ATP8A2: variants seen among roughly 807,000 people sequenced by gnomAD.
ATP8A2 encodes the protein phospholipid-transporting ATPase IB.
A neutral mutation model predicts 165.6 loss-of-function variants in ATP8A2; 100 were observed. The ratio of observed to expected loss-of-function variants is 0.60; its 90% CI spans 0.51 to 0.71. The LOEUF is 0.71. ATP8A2 is among the 30% of genes least tolerant of loss of function. ATP8A2 has a pLI of 0.00. For missense variants in ATP8A2, 1,227 were observed against 1,479.5 expected, an observed-to-expected ratio of 0.83 and a Z score of 2.80; for synonymous variants, 543 against 548.8, an observed-to-expected ratio of 0.99 and a Z score of 0.15.
At chr13:25,491,785 T>A (rs1248719427) in intron 2 of ATP8A2, among the ~76,000 whole-genome samples, 13 of 152,310 alleles carry the variant, frequency 8.5e-5, no homozygotes, top group Admixed American at 4.6e-4. Flanking sequence ...GTTTTAAAAT[T>A]GAAGACCAAG....
chr13:25,731,390 A>C (rs2043639263), intron 25 of ATP8A2, among the ~76,000 whole-genome samples: 1 of 150,180 alleles, frequency 6.7e-6, no homozygotes, highest in Non-Finnish European at 1.5e-5. Flanking sequence ...GGAGGAAGAA[A>C]AAGGAAGAAA....
intron 2 of ATP8A2, among the ~76,000 whole-genome samples, chr13:25,474,287 C>T (rs544958480): frequency 2.0e-5 from 3 of 152,168 alleles, no homozygotes; most frequent in Non-Finnish European, 2.9e-5. Context: ...CAGGGCCAGG[C>T]GCAGTGGCTC....
chr13:25,708,362 G>T (rs1284162000), intron 25 of ATP8A2, among the ~76,000 whole-genome samples: 1 of 152,110 alleles, frequency 6.6e-6, no homozygotes, highest in African/African-American at 2.4e-5. Flanking sequence ...ATTAATACAA[G>T]AATGTGTCAT....
intron 28 of ATP8A2, among the ~76,000 whole-genome samples, chr13:25,836,377 G>A (rs1183912588): frequency 2.0e-5 from 3 of 152,188 alleles, no homozygotes; most frequent in African/African-American, 7.2e-5. Context: ...ATGTCTCAGA[G>A]CTTTGTAAGG....
rs145650633 is a variant in ATP8A2, at chr13:25,986,675, G to A, written c.3377+17996G>A. Among the ~76,000 whole-genome samples the A allele has an allele frequency of 6.4e-3, 981 of 152,298 alleles. 5 individuals are homozygous for A. The highest frequency in any genetic ancestry group is 0.027 in the Middle Eastern group (8 of 294). On this transcript the variant is annotated intron_variant, in intron 35 of 36. Coordinates refer to ENST00000381655, the MANE Select transcript of ATP8A2 (RefSeq NM_016529.6). ...AATGCTGCAGTGAACATGGCAGTGC[G>A]GATGTCTCTTCAACATACTGATGTT...
At chr13:25,597,937 C>T (rs1434733872) in intron 24 of ATP8A2, among the ~76,000 whole-genome samples, 1 of 151,656 alleles carries the variant, frequency 6.6e-6, no homozygotes, top group African/African-American at 2.4e-5. Flanking sequence ...CTTTGGTGCT[C>T]TCTAAGAGAT....
chr13:25,372,400 C>A lies in ATP8A2; in HGVS notation c.76+112C>A. On this transcript the variant is annotated intron_variant, in intron 1 of 36. Coordinates refer to ENST00000381655, the MANE Select transcript of ATP8A2 (RefSeq NM_016529.6). This position sits in a 1 kb window ranked among gnomAD's most constrained non-coding sequence, Gnocchi z 4.8. ...CCCGCGCCCCGCTCCCCTCCCTGGG[C>A]TCCCTGGGCTCTCTGGGCTGCAGGA... is the stretch of plus-strand genomic sequence containing the variant. 1.6e-5 allele frequency: 12 copies of A among 743,646 alleles called. No individual in the cohort carries two copies. Among genetic ancestry groups the A allele is most frequent in the Non-Finnish European group, 2.3e-5 (12 of 532,368 alleles). The allele number at this position is 743,646 out of a possible 1,614,324, so 46.1% of individuals were successfully genotyped here.
At chr13:25,447,635 T>A (rs2035106052) in intron 1 of ATP8A2, among the ~76,000 whole-genome samples, 1 of 152,210 alleles carries the variant, frequency 6.6e-6, no homozygotes. Flanking sequence ...CAATCAGTGC[T>A]CTTTTAGCAT....
At chr13:25,782,875 G>C (rs1184939711) in intron 27 of ATP8A2, among the ~76,000 whole-genome samples, 2 of 152,052 alleles carry the variant, frequency 1.3e-5, no homozygotes, top group African/African-American at 4.8e-5. Context: ...GAGTAGCTGG[G>C]ATTACAGGCA....
At chr13:25,980,005 T>C (rs1349781445) in intron 35 of ATP8A2, among the ~76,000 whole-genome samples, 1 of 152,098 alleles carries the variant, frequency 6.6e-6, no homozygotes, top group Non-Finnish European at 1.5e-5. Flanking sequence ...GAAATGAAGA[T>C]CCAAAGACCC....
intron 24 of ATP8A2, among the ~76,000 whole-genome samples, chr13:25,643,198 A>T (rs2041580489): frequency 6.6e-6 from 1 of 152,186 alleles, no homozygotes; most frequent in African/African-American, 2.4e-5. Context: ...TGTACCCTAG[A>T]ACTTAAAGTG....
At chr13:25,989,662 C>A (rs983004901) in intron 35 of ATP8A2, among the ~76,000 whole-genome samples, 5 of 151,976 alleles carry the variant, frequency 3.3e-5, no homozygotes, top group African/African-American at 1.2e-4. Context: ...ACCTTATGCT[C>A]ATTCTCTCCT....
At chr13:25,773,966 ACTTTT>A (rs1185708584) in intron 26 of ATP8A2, among the ~76,000 whole-genome samples, 4 of 152,118 alleles carry the variant, frequency 2.6e-5, no homozygotes, top group Admixed American at 6.5e-5. Flanking sequence ...ACCTGTGTGT[ACTTTT>A]CTTTTAAACA....
At chr13:25,527,281 G>A (rs1201383238) in intron 2 of ATP8A2, among the ~76,000 whole-genome samples, 1 of 152,102 alleles carries the variant, frequency 6.6e-6, no homozygotes, top group Non-Finnish European at 1.5e-5. Context: ...CTAAATCCCT[G>A]CTACTCAAAG....
chr13:25,384,867 G>A (rs752094222), intron 1 of ATP8A2, among the ~76,000 whole-genome samples: 16 of 152,102 alleles, frequency 1.1e-4, no homozygotes, highest in Non-Finnish European at 2.4e-4. Flanking sequence ...TTTGGCAGTC[G>A]GGAGTCCCAG....
Position 25,836,400 on chromosome 13 carries a change from A to G in ATP8A2, c.2755-763A>G, listed in dbSNP as rs114667836. Among the ~76,000 whole-genome samples, 154 of 152,268 alleles carry G rather than the reference A, an allele frequency of 1.0e-3. 1 individual carries two copies. The highest frequency in any genetic ancestry group is 3.3e-3 in the African/African-American group (139 of 41,554). On this transcript the variant is annotated intron_variant, in intron 28 of 36. Coordinates refer to ENST00000381655, the MANE Select transcript of ATP8A2 (RefSeq NM_016529.6). ...GAGCTTTGTAAGGGGTGCATCTCTC[A>G]TGGGACTCCTTCCTCGCCCACATCC...
At chr13:25,522,010 A>G (rs1369121605) in intron 2 of ATP8A2, among the ~76,000 whole-genome samples, 2 of 152,084 alleles carry the variant, frequency 1.3e-5, no homozygotes, top group Non-Finnish European at 2.9e-5. Flanking sequence ...TGTGAAGAAT[A>G]TCATTGGTAT....
chr13:25,386,152 G>A (rs2137947496), intron 1 of ATP8A2, among the ~76,000 whole-genome samples: 1 of 152,216 alleles, frequency 6.6e-6, no homozygotes, highest in East Asian at 1.9e-4. Flanking sequence ...CTGGCCTTAA[G>A]TAATCCACCC....
chr13:25,732,137 T>C lies in ATP8A2; in HGVS notation c.2384+32792T>C, dbSNP rs147523052. On this transcript the variant is annotated intron_variant, in intron 25 of 36. Transcript: ENST00000381655. ...TCCCTAGCCCAGAGAGCTGAGCTTTTCCCTGCTTTACTACTGTGTTTAGGA... is the reference window on the plus strand; with the variant it reads ...TCCCTAGCCCAGAGAGCTGAGCTTTCCCCTGCTTTACTACTGTGTTTAGGA... Among the ~76,000 whole-genome samples, 28 of 152,344 alleles carry C rather than the reference T, an allele frequency of 1.8e-4. No individual in the cohort carries two copies. The East Asian group carries it at 5.0e-3, about 27-fold the overall frequency.
Sources: allele counts gnomAD v4.1 joint callset (sites outside exome capture counted in the v4.1 genomes callset), GRCh38; gene constraint gnomAD v4.1.1; non-coding constraint Gnocchi (gnomAD v3.1); transcripts MANE v1.5; gene names NCBI Gene and HGNC (gene_info 2026-07-23, HGNC 2026-07-21).